RSF1: variants seen among roughly 807,000 people sequenced by gnomAD.
RSF1 encodes HBV pX-associated protein 8.
RSF1 carries 13 observed loss-of-function variants against 145.2 expected under a neutral mutation model. That is an observed-to-expected ratio of 0.09 (90% confidence interval 0.06 to 0.14). The LOEUF (loss-of-function observed/expected upper bound fraction) is 0.14. RSF1 is among the 10% of genes least tolerant of loss of function. The pLI is 1.00. For synonymous variants in RSF1, 577 were observed against 592.6 expected (o/e 0.97, Z 0.38); for missense variants, 1,517 against 1,718.2 (o/e 0.88, Z 2.07).
intron 1 of RSF1, chr11:77,813,500 C>T: frequency 1.1e-6 from 1 of 891,330 alleles, no homozygotes; most frequent in South Asian, 1.3e-5. Flanking sequence ...TTCTCAAAGT[C>T]TTGGTAGGTA....
chr11:77,808,440 T>C (rs1268208304), intron 1 of RSF1, among the ~76,000 whole-genome samples: 2 of 152,138 alleles, frequency 1.3e-5, no homozygotes, highest in East Asian at 1.9e-4. Context: ...TTAAGATTCA[T>C]GTTCAAATAT....
At chr11:77,728,763 G>C (rs1414613484) in intron 4 of RSF1, among the ~76,000 whole-genome samples, 1 of 151,984 alleles carries the variant, frequency 6.6e-6, no homozygotes, top group Admixed American at 6.6e-5. Flanking sequence ...TTAAGGGCTA[G>C]GAAAAGGGAG....
intron 5 of RSF1, among the ~76,000 whole-genome samples, chr11:77,712,538 T>C (rs1590845305): frequency 6.6e-6 from 1 of 152,212 alleles, no homozygotes; most frequent in East Asian, 1.9e-4. Context: ...ATTTTCACCT[T>C]TGTAACAGAT....
upstream of RSF1, among the ~76,000 whole-genome samples, chr11:77,822,966 A>G (rs1948987656): frequency 6.6e-6 from 1 of 152,222 alleles, no homozygotes; most frequent in African/African-American, 2.4e-5. Context: ...CTGTAATCCC[A>G]GCACTTTGGG....
chr11:77,798,990 C>CCAAAAGCCTTGAACAAAAA (rs1353718191), intron 1 of RSF1, among the ~76,000 whole-genome samples: 1 of 150,172 alleles, frequency 6.7e-6, no homozygotes, highest in African/African-American at 2.4e-5. Flanking sequence ...AAAAAAGAGC[C>CCAAAAGCCTTGAACAAAAA]CAAAAGCCTT....
At position 77,662,230 on chromosome 11, in the gene RSF1, T is replaced by C. The variant is rs1255535722; in HGVS notation, c.*4687A>G. The C allele has an allele frequency of 6.6e-6, 1 of 152,096 alleles. No homozygotes were observed. Among genetic ancestry groups the C allele is most frequent in the Non-Finnish European group, 1.5e-5 (1 of 67,996 alleles). The allele number at this position is 152,096 out of a possible 1,614,324, so 9.4% of individuals were successfully genotyped here. A position where few individuals can be genotyped will look rare whatever the true frequency, so the allele number is the denominator to read the frequency against. ...TATTTTAAAGTTATTAAAATAAACA[T>C]CTTCACTAACTGAAACCATTATGAT... On this transcript the variant is annotated 3_prime_UTR_variant, in exon 16 of 16. Transcript: ENST00000308488.
intron 1 of RSF1, among the ~76,000 whole-genome samples, chr11:77,806,211 G>A (rs901350312): frequency 6.6e-6 from 1 of 152,050 alleles, no homozygotes; most frequent in African/African-American, 2.4e-5. Context: ...CAGAGAAACT[G>A]GGGTGGGGCT....
In RSF1 at chr11:77,701,038, C is replaced by G. The variant is rs1392270768; in HGVS notation, c.2191G>C (p.Glu731Gln). 1 of 1,613,720 alleles carries G rather than the reference C, an allele frequency of 6.2e-7. No homozygotes were observed. Among genetic ancestry groups the G allele is most frequent in the Non-Finnish European group, 8.5e-7 (1 of 1,180,034 alleles). ...ATCCTGATTGTTAATTTGATGCCCT[C>G]TTTCTGCCTTTCAGAGGTTATCTCT... Reference protein sequence around the residue: ...NTEITSERQKEGIKLTIRISS... With the variant: ...NTEITSERQKQGIKLTIRISS... Residue 731 changes from glutamate to glutamine, a missense_variant, in exon 6 of 16, where the codon GAG (glutamate) becomes CAG (glutamine). This residue lies in a region of RSF1 where 579 missense variants were observed against 553.5 expected (regional missense o/e 1.05). Transcript: ENST00000308488.
At chr11:77,831,309 CAT>C in the RSF1 span, among the ~76,000 whole-genome samples, 1,587 of 152,288 alleles carry the variant, frequency 0.01, 24 homozygotes, top group African/African-American at 0.036. Flanking sequence ...AAATGATAAA[CAT>C]AAAGTTACTT....
intron 8 of RSF1, chr11:77,691,538 G>T (rs1960149254): frequency 6.4e-6 from 2 of 310,476 alleles, no homozygotes; most frequent in Non-Finnish European, 1.2e-5. Flanking sequence ...ACATGTGTAT[G>T]TAACAGTGAT....
At chr11:77,752,503 C>A (rs1170997291) in intron 2 of RSF1, among the ~76,000 whole-genome samples, 1 of 152,120 alleles carries the variant, frequency 6.6e-6, no homozygotes, top group Middle Eastern at 3.2e-3. Context: ...CCCATCAATT[C>A]ATCTATAAAA....
In RSF1 at chr11:77,698,717, G is replaced by T. The variant is rs762761646; in HGVS notation, c.2509-24C>A. On this transcript the variant is annotated intron_variant, in intron 6 of 15. Coordinates refer to ENST00000308488, the MANE Select transcript of RSF1 (RefSeq NM_016578.4). Reference sequence around the variant, plus strand: ...ACCTTGTATAAAATAAAAAAAATTGGGATAATTTGATATAAGAATGTCTTT... The same window carrying T: ...ACCTTGTATAAAATAAAAAAAATTGTGATAATTTGATATAAGAATGTCTTT... The T allele has an allele frequency of 2.5e-6, 4 of 1,589,534 alleles. No homozygotes were observed. The Admixed American group carries it at 5.0e-5, about 20-fold the overall frequency.
At chr11:77,687,559 T>C (rs1462765024) in intron 9 of RSF1, among the ~76,000 whole-genome samples, 1 of 151,750 alleles carries the variant, frequency 6.6e-6, no homozygotes, top group Non-Finnish European at 1.5e-5. Flanking sequence ...ATACAAAAAT[T>C]AGCCGGGTGT....
intron 8 of RSF1, among the ~76,000 whole-genome samples, chr11:77,692,689 T>C (rs1483535924): frequency 6.6e-6 from 1 of 151,304 alleles, no homozygotes; most frequent in Non-Finnish European, 1.5e-5. Context: ...GTGTTTTTTT[T>C]TTTTTTTGAG....
chr11:77,669,132 CTT>C (rs1959453118), intron 15 of RSF1, among the ~76,000 whole-genome samples: 1 of 152,142 alleles, frequency 6.6e-6, no homozygotes, highest in Non-Finnish European at 1.5e-5. Flanking sequence ...TGATTCTTTT[CTT>C]TCTCTCATCC....
chr11:77,749,320 TA>T (rs992026199), intron 2 of RSF1, among the ~76,000 whole-genome samples: 31 of 151,940 alleles, frequency 2.0e-4, no homozygotes, highest in African/African-American at 7.5e-4. Context: ...ATCTCAAATT[TA>T]AAAAAAAGAA....
At chr11:77,710,384 C>T (rs933120218) in intron 5 of RSF1, among the ~76,000 whole-genome samples, 2 of 152,012 alleles carry the variant, frequency 1.3e-5, no homozygotes, top group Non-Finnish European at 2.9e-5. Context: ...GAACTTATTC[C>T]TTATTTTGTT....
At chr11:77,812,640 C>G (rs990658057) in intron 1 of RSF1, among the ~76,000 whole-genome samples, 28 of 152,110 alleles carry the variant, frequency 1.8e-4, no homozygotes, top group African/African-American at 6.8e-4. Flanking sequence ...AATCCCAGCA[C>G]TTTGGGAGGC....
At chr11:77,744,694 G>A (rs1414841796) in intron 3 of RSF1, among the ~76,000 whole-genome samples, 2 of 152,176 alleles carry the variant, frequency 1.3e-5, no homozygotes, top group Non-Finnish European at 2.9e-5. Flanking sequence ...TCTCATTTAT[G>A]TGCTATTAAA....
Sources: allele counts gnomAD v4.1 joint callset (sites outside exome capture counted in the v4.1 genomes callset), GRCh38; gene constraint gnomAD v4.1.1; regional missense constraint gnomAD v4.1.1; transcripts MANE v1.5; gene names NCBI Gene and HGNC (gene_info 2026-07-23, HGNC 2026-07-21).